MEOX2: variants seen among roughly 807,000 people sequenced by gnomAD.
MEOX2 encodes mesenchyme homeobox 2.
Under a neutral mutation model 27.0 loss-of-function variants are expected in MEOX2, and 11 were observed. The ratio of observed to expected loss-of-function variants is 0.41; its 90% CI spans 0.26 to 0.68. The LOEUF is 0.68. Ranked by LOEUF, MEOX2 falls within the 30% of genes least tolerant of loss-of-function variation. The pLI, the probability that MEOX2 is intolerant of heterozygous loss-of-function variation, is 0.33. For missense variants in MEOX2, 436 were observed against 385.4 expected (o/e 1.13, Z -1.10); for synonymous variants, 189 against 155.4 (o/e 1.22, Z -1.61).
chr7:15,681,486 A>T, intron 1 of MEOX2: 1 of 151,584 alleles, frequency 6.6e-6, no homozygotes, highest in Non-Finnish European at 1.5e-5. Context: ...GCAAAAAAAA[A>T]TGTAATTATT....
chr7:15,658,471 T>G (rs1781859959), intron 1 of MEOX2, among the ~76,000 whole-genome samples: 1 of 152,208 alleles, frequency 6.6e-6, no homozygotes. Flanking sequence ...TAGACATTTT[T>G]TGTGTGTATA....
At chr7:15,670,021 A>G (rs190410449) in intron 1 of MEOX2, among the ~76,000 whole-genome samples, 1 of 152,202 alleles carries the variant, frequency 6.6e-6, no homozygotes, top group African/African-American at 2.4e-5. Flanking sequence ...TCCCTAGTTG[A>G]CCTTACATTC....
At chr7:15,633,820 A>G (rs747205090) in intron 1 of MEOX2, among the ~76,000 whole-genome samples, 3 of 151,856 alleles carry the variant, frequency 2.0e-5, no homozygotes, top group Non-Finnish European at 2.9e-5. Context: ...TGTCTTCCTC[A>G]TCTTTGTATT....
intron 1 of MEOX2, among the ~76,000 whole-genome samples, chr7:15,666,203 A>C (rs139357999): frequency 1.3e-5 from 2 of 152,312 alleles, no homozygotes; most frequent in East Asian, 3.9e-4. Context: ...AACATGGGAG[A>C]GCCAATACAA....
chr7:15,665,916 T>TGCATATATGCC (rs1168003915), intron 1 of MEOX2, among the ~76,000 whole-genome samples: 88 of 152,354 alleles, frequency 5.8e-4, no homozygotes, highest in African/African-American at 1.9e-3. Flanking sequence ...GATGCTATTA[T>TGCATATATGCC]TCCCACCTCT....
chr7:15,672,689 A>G lies in MEOX2; in HGVS notation c.517+13197T>C, dbSNP rs181391806. On this transcript the variant is annotated intron_variant, in intron 1 of 2. Coordinates refer to ENST00000262041, the MANE Select transcript of MEOX2 (RefSeq NM_005924.5). ...GGGCGGATCATGAGGTCAGGAGATC[A>G]AGACCATCCTGGCTAAAATGGTGAA... Among the ~76,000 whole-genome samples the G allele has an allele frequency of 4.6e-3, 695 of 152,206 alleles. 3 individuals are homozygous for G. The highest frequency in any genetic ancestry group is 0.014 in the African/African-American group (577 of 41,538).
intron 1 of MEOX2, among the ~76,000 whole-genome samples, chr7:15,634,849 A>G (rs963088127): frequency 4.6e-5 from 7 of 152,012 alleles, no homozygotes; most frequent in African/African-American, 1.7e-4. Flanking sequence ...ACTGCAGAAT[A>G]AGTGACTCTA....
rs77623220 is a variant in MEOX2, at chr7:15,651,046, G to A, written c.518-24128C>T. 7.4e-4 allele frequency among the ~76,000 whole-genome samples: 112 copies of A among 152,118 alleles called. 1 individual carries two copies. The highest frequency in any genetic ancestry group is 2.5e-3 in the African/African-American group (105 of 41,542). ...TTCTGAAAGTGCTGGAAACAAGGAC[G>A]TGGAGCAAAGAGGAGAGATGAGGCT... On this transcript the variant is annotated intron_variant, in intron 1 of 2. Transcript: ENST00000262041.
Position 15,627,501 on chromosome 7 carries a change from A to G in MEOX2, c.518-583T>C, listed in dbSNP as rs186023902. Among the ~76,000 whole-genome samples the G allele has an allele frequency of 2.6e-5, 4 of 152,190 alleles. No homozygotes were observed. The East Asian group carries it at 7.7e-4, about 29-fold the overall frequency. ...TATTTTATATTATACTTAGTCCAAC[A>G]TGGAATCTATAAATGAAATTGTGTT... On this transcript the variant is annotated intron_variant, in intron 1 of 2. Coordinates refer to ENST00000262041, the MANE Select transcript of MEOX2 (RefSeq NM_005924.5).
chr7:15,658,581 C>T (rs568188432), intron 1 of MEOX2, among the ~76,000 whole-genome samples: 1 of 152,210 alleles, frequency 6.6e-6, no homozygotes, highest in South Asian at 2.1e-4. Context: ...CTGTTATGGA[C>T]CAAAAGTTTG....
At position 15,686,682 on chromosome 7, in the gene MEOX2, T is replaced by G; in HGVS notation, c.-280A>C. The G allele has an allele frequency of 2.2e-6, 1 of 463,510 alleles. No individual in the cohort carries two copies. Among genetic ancestry groups the G allele is most frequent in the Non-Finnish European group, 3.8e-6 (1 of 262,082 alleles). The allele number at this position is 463,510 out of a possible 1,614,324, so 28.7% of individuals were successfully genotyped here. A position where few individuals can be genotyped will look rare whatever the true frequency, so the allele number is the denominator to read the frequency against. The stretch of plus-strand genomic sequence containing the variant: ...AGAAGGTGGTCCCAGAGAACTGCTT[T>G]CAGGGGGAAATGGCTCTGAGAAGTT... On this transcript the variant is annotated 5_prime_UTR_variant, in exon 1 of 3. Transcript: ENST00000262041.
intron 1 of MEOX2, among the ~76,000 whole-genome samples, chr7:15,652,463 C>A (rs539475116): frequency 2.0e-5 from 3 of 151,864 alleles, no homozygotes; most frequent in Non-Finnish European, 2.9e-5. Context: ...TTGAAAGCAG[C>A]AATAACACTG....
chr7:15,666,561 G>T (rs1191716493), intron 1 of MEOX2, among the ~76,000 whole-genome samples: 1 of 151,420 alleles, frequency 6.6e-6, no homozygotes, highest in African/African-American at 2.4e-5. Flanking sequence ...TGACCAGCCT[G>T]GGCAACACGG....
chr7:15,673,397 T>C (rs1029558651), intron 1 of MEOX2, among the ~76,000 whole-genome samples: 2 of 151,948 alleles, frequency 1.3e-5, no homozygotes, highest in African/African-American at 4.8e-5. Context: ...GGAAAATATA[T>C]TACAGGCTAT....
intron 1 of MEOX2, among the ~76,000 whole-genome samples, chr7:15,646,590 A>G (rs1336068234): frequency 6.6e-6 from 1 of 152,042 alleles, no homozygotes; most frequent in Non-Finnish European, 1.5e-5. Context: ...TTACAAACAG[A>G]GCTCTATCAT....
At chr7:15,614,202 G>GATAAAATAAA (rs60984021) in intron 2 of MEOX2, among the ~76,000 whole-genome samples, 2,224 of 142,136 alleles carry the variant, frequency 0.016, 27 homozygotes, top group Admixed American at 0.026. Flanking sequence ...CAAATAAATA[G>GATAAAATAAA]ATAAAATAAA....
chr7:15,663,792 A>G (rs1371169681), intron 1 of MEOX2, among the ~76,000 whole-genome samples: 1 of 152,244 alleles, frequency 6.6e-6, no homozygotes, highest in African/African-American at 2.4e-5. Flanking sequence ...TAAGGCTGGC[A>G]GTAAGAAGCA....
chr7:15,643,972 C>A (rs569734749), intron 1 of MEOX2, among the ~76,000 whole-genome samples: 1 of 152,302 alleles, frequency 6.6e-6, no homozygotes, highest in South Asian at 2.1e-4. Flanking sequence ...GGCCCCACTG[C>A]AGGAACAGTC....
chr7:15,665,104 C>T (rs1224037463), intron 1 of MEOX2, among the ~76,000 whole-genome samples: 2 of 151,214 alleles, frequency 1.3e-5, no homozygotes, highest in Admixed American at 6.6e-5. Flanking sequence ...ACTTTTCTTA[C>T]AGTTCAGGGT....
Sources: allele counts gnomAD v4.1 joint callset (sites outside exome capture counted in the v4.1 genomes callset), GRCh38; gene constraint gnomAD v4.1.1; transcripts MANE v1.5; gene names NCBI Gene and HGNC (gene_info 2026-07-23, HGNC 2026-07-21).